The following PICALM variants were observed in gnomAD, a reference collection of about 807,000 sequenced individuals.
PICALM encodes phosphatidylinositol binding clathrin assembly protein.
Under a neutral mutation model 80.5 loss-of-function variants are expected in PICALM, and 40 were observed. That is an observed-to-expected ratio of 0.50 (90% CI 0.39 to 0.65). The LOEUF is 0.65. Ranked by LOEUF, PICALM falls within the 30% of genes least tolerant of loss-of-function variation. PICALM has a pLI of 0.00. For synonymous variants in PICALM, 288 were observed against 260.3 expected (o/e 1.11, Z -1.02); for missense variants, 676 against 778.9 (o/e 0.87, Z 1.57).
chr11:86,042,431 A>T (rs1008201680), intron 1 of PICALM, among the ~76,000 whole-genome samples: 1 of 148,036 alleles, frequency 6.8e-6, no homozygotes, highest in African/African-American at 2.4e-5. Flanking sequence ...AAACAAACTG[A>T]AAGTATTACA....
At chr11:85,992,071 T>C (rs1412384045) in intron 12 of PICALM, among the ~76,000 whole-genome samples, 1 of 152,130 alleles carries the variant, frequency 6.6e-6, no homozygotes. Flanking sequence ...CTTGAACACC[T>C]GCCTGGACTC....
At chr11:85,965,455 C>G (rs1176440775) in intron 19 of PICALM, among the ~76,000 whole-genome samples, 1 of 152,196 alleles carries the variant, frequency 6.6e-6, no homozygotes, top group Non-Finnish European at 1.5e-5. Context: ...CACAGAGACA[C>G]TGAGTCACAG....
intron 2 of PICALM, among the ~76,000 whole-genome samples, chr11:86,027,360 A>C (rs1190134950): frequency 8.5e-5 from 13 of 152,126 alleles, no homozygotes; most frequent in Non-Finnish European, 7.4e-5. Context: ...AGTCTCCTTC[A>C]CATACAGCCT....
intron 1 of PICALM, among the ~76,000 whole-genome samples, chr11:86,043,520 A>T (rs11234526): frequency 0.03 from 4,564 of 152,272 alleles, 240 homozygotes; most frequent in African/African-American, 0.1. Context: ...CATGGTCTCA[A>T]CTATAACCTA....
intron 1 of PICALM, among the ~76,000 whole-genome samples, chr11:86,037,298 C>T (rs1392150272): frequency 3.2e-5 from 4 of 123,894 alleles, no homozygotes; most frequent in Non-Finnish European, 6.4e-5. Flanking sequence ...CTCACTCTAT[C>T]GCCCAGGCTG....
rs768125947 is a variant in PICALM, at chr11:86,000,721, G to A, written c.1076C>T (p.Ser359Phe). ...CCCTCCTGCTGAGGTGGATACAGGA[G>A]AGGCTGCAGTTGTTAAAGAGGTATG... ...KPHTSLTTAA[S>F]PVSTSAGGIM... is the part of the protein sequence containing the mutation. Residue 359 changes from serine to phenylalanine, a missense_variant, in exon 11 of 20, where the codon TCT becomes TTT. Physicochemically the swap from Ser to Phe is radical, Grantham distance 155. Coordinates refer to ENST00000393346, the MANE Select transcript of PICALM (RefSeq NM_007166.4). 1.2e-6 allele frequency: 2 copies of A among 1,612,914 alleles called. No individual in the cohort carries two copies. The highest frequency in any genetic ancestry group is 1.7e-5 in the Admixed American group (1 of 60,026).
chr11:86,068,175 G>T (rs890996944), intron 1 of PICALM, among the ~76,000 whole-genome samples: 1 of 152,206 alleles, frequency 6.6e-6, no homozygotes, highest in African/African-American at 2.4e-5. Flanking sequence ...AGGCAGCCCG[G>T]AGGGATAACA....
chr11:86,015,737 T>A (rs2095471365), intron 4 of PICALM, among the ~76,000 whole-genome samples: 1 of 152,190 alleles, frequency 6.6e-6, no homozygotes, highest in Admixed American at 6.5e-5. Flanking sequence ...GATTGCCCTA[T>A]CATTTTCAAA....
chr11:86,031,450 C>G lies in PICALM; in HGVS notation c.273+19G>C. ...AAGTCAACACATCAGTATACTTGTT[C>G]AATAAAAATTCTGCTTACCTCATTT... On this transcript the variant is annotated intron_variant, in intron 2 of 19. Transcript: ENST00000393346. 1 of 1,594,282 alleles carries G rather than the reference C, an allele frequency of 6.3e-7. No homozygotes were observed. The highest frequency in any genetic ancestry group is 8.6e-7 in the Non-Finnish European group (1 of 1,169,586).
chr11:86,064,057 T>C (rs553872999), intron 1 of PICALM, among the ~76,000 whole-genome samples: 3 of 152,312 alleles, frequency 2.0e-5, no homozygotes, highest in African/African-American at 7.2e-5. Flanking sequence ...TTAAAAACCA[T>C]TTGTGCTTTA....
intron 3 of PICALM, among the ~76,000 whole-genome samples, chr11:86,025,933 A>C (rs2095642981): frequency 6.6e-6 from 1 of 152,192 alleles, no homozygotes; most frequent in Non-Finnish European, 1.5e-5. Flanking sequence ...GTCTCATGAC[A>C]ATCTTACTGG....
chr11:86,010,398 C>G (rs781437840), intron 7 of PICALM, among the ~76,000 whole-genome samples: 1 of 151,322 alleles, frequency 6.6e-6, no homozygotes, highest in Non-Finnish European at 1.5e-5. Context: ...GCGATCTCAG[C>G]TCACTGCAAC....
chr11:85,982,767 A>G (rs532749423), intron 14 of PICALM, among the ~76,000 whole-genome samples: 36 of 152,272 alleles, frequency 2.4e-4, no homozygotes, highest in African/African-American at 8.7e-4. Context: ...AGAGTGAACT[A>G]TATCTAAGAA....
At chr11:86,041,383 A>C (rs977450158) in intron 1 of PICALM, among the ~76,000 whole-genome samples, 1 of 152,188 alleles carries the variant, frequency 6.6e-6, no homozygotes, top group Non-Finnish European at 1.5e-5. Context: ...TCCTCCTGCC[A>C]CTATACTGAT....
chr11:86,003,208 C>T (rs1047695229), intron 9 of PICALM, among the ~76,000 whole-genome samples, 158 bp downstream of exon 9: 4 of 152,052 alleles, frequency 2.6e-5, no homozygotes, highest in Non-Finnish European at 2.9e-5. Flanking sequence ...CCATTTAATC[C>T]TAATACTAAT....
At chr11:86,025,178 G>C (rs977157291) in intron 3 of PICALM, among the ~76,000 whole-genome samples, 1 of 152,168 alleles carries the variant, frequency 6.6e-6, no homozygotes, top group Non-Finnish European at 1.5e-5. Context: ...GAGGCAAGCA[G>C]ATCATGAGGT....
At chr11:85,981,657 G>A (rs2094446445) in intron 16 of PICALM, 88 bp downstream of exon 16, 4 of 967,430 alleles carry the variant, frequency 4.1e-6, no homozygotes, top group Admixed American at 2.1e-5. Context: ...ATATTTTTGA[G>A]AGGAAAGCCA....
At chr11:85,987,062 G>T (rs1208242681) in intron 13 of PICALM, among the ~76,000 whole-genome samples, 1 of 152,176 alleles carries the variant, frequency 6.6e-6, no homozygotes, top group African/African-American at 2.4e-5. Context: ...CAAAATTTGG[G>T]TGGATTGTTA....
chr11:86,043,905 C>T (rs1348285342), intron 1 of PICALM, among the ~76,000 whole-genome samples: 1 of 152,136 alleles, frequency 6.6e-6, no homozygotes, highest in Non-Finnish European at 1.5e-5. Context: ...CCAGAGGCTC[C>T]CTCACTCAGA....
Sources: allele counts gnomAD v4.1 joint callset (sites outside exome capture counted in the v4.1 genomes callset), GRCh38; gene constraint gnomAD v4.1.1; transcripts MANE v1.5; gene names NCBI Gene and HGNC (gene_info 2026-07-23, HGNC 2026-07-21).